Variants in TM6SF2 observed in about 807,000 individuals in gnomAD.
The protein encoded by TM6SF2 is transmembrane 6 superfamily member 2.
In TM6SF2, 29 loss-of-function variants were observed where a neutral mutation model predicts 41.0. That is an observed-to-expected ratio of 0.71 (90% CI 0.53 to 0.96). The LOEUF (loss-of-function observed/expected upper bound fraction) is 0.96. TM6SF2 is among the 50% of genes least tolerant of loss of function. The pLI, the probability that TM6SF2 is intolerant of heterozygous loss-of-function variation, is 0.00. For missense variants in TM6SF2, 475 were observed against 499.0 expected, an observed-to-expected ratio of 0.95 and a Z score of 0.46; for synonymous variants, 200 against 209.1, an observed-to-expected ratio of 0.96 and a Z score of 0.37.
chr19:19,270,060 G>C, intron 4 of TM6SF2, 113 bp downstream of exon 4: 2 of 1,550,844 alleles, frequency 1.3e-6, no homozygotes, highest in Non-Finnish European at 1.7e-6. Flanking sequence ...GCCCTAGAGA[G>C]GCGTCCTGAT....
chr19:19,268,208 CTT>C (rs536426725), intron 6 of TM6SF2, 121 bp from the exon 7 acceptor site: 17,340 of 534,458 alleles, frequency 0.032, no homozygotes, highest in South Asian at 0.041. Flanking sequence ...TTTCTTTTTT[CTT>C]TTTTTTTTTT....
intron 8 of TM6SF2, among the ~76,000 whole-genome samples, chr19:19,266,977 G>A (rs2061005254): frequency 6.6e-6 from 1 of 152,158 alleles, no homozygotes; most frequent in Admixed American, 6.5e-5. Flanking sequence ...ACATTGCTCT[G>A]GGGTGGCTGA....
At chr19:19,273,090 C>A in intron 1 of TM6SF2, 31 bp downstream of exon 1, 1 of 1,401,528 alleles carries the variant, frequency 7.1e-7, no homozygotes, top group Non-Finnish European at 9.4e-7. Flanking sequence ...CCACTGTCCC[C>A]AAGGCCGCCC....
chr19:19,272,726 T>TGAGA (rs1037976441), intron 1 of TM6SF2, among the ~76,000 whole-genome samples: 2 of 146,820 alleles, frequency 1.4e-5, no homozygotes, highest in African/African-American at 5.4e-5. Flanking sequence ...TGTGTGTGTG[T>TGAGA]GTGAGCAGGA....
chr19:19,265,694 C>A (rs1159674512), intron 9 of TM6SF2, among the ~76,000 whole-genome samples: 1 of 152,192 alleles, frequency 6.6e-6, no homozygotes, highest in Non-Finnish European at 1.5e-5. Context: ...GCTGGGATTA[C>A]AGGTGTGAGC....
intron 1 of TM6SF2, 73 bp from the exon 2 acceptor site, chr19:19,271,198 G>A (rs1366210809): frequency 1.6e-6 from 2 of 1,221,346 alleles, no homozygotes; most frequent in African/African-American, 1.5e-5. Context: ...CCTGGTGGGG[G>A]AAGGGGCAGA....
chr19:19,267,932 C>T (rs1301287267), intron 7 of TM6SF2, 54 bp downstream of exon 7: 13 of 1,402,698 alleles, frequency 9.3e-6, no homozygotes, highest in Non-Finnish European at 1.2e-5. Context: ...AGAGGTGGGT[C>T]AGGGAAGGGA....
Position 19,267,994 on chromosome 19 carries a change from G to T in TM6SF2, c.703C>A (p.Arg235=), listed in dbSNP as rs181728218. Residue 235 remains arginine (R), a synonymous_variant, in exon 7 of 10, where the codon CGG becomes AGG. Transcript: ENST00000389363. ...LILAGFFTLF[R]GLVVLDCPTD... ...AACCAGCGCAGACTCACCAGGCCCC[G>T]GAACAGAGTGAAGAAGCCAGCAAGG... is the stretch of plus-strand genomic sequence containing the variant. The T allele has an allele frequency of 1.1e-4, 177 of 1,610,370 alleles. No homozygotes were observed. The highest frequency in any genetic ancestry group is 1.4e-4 in the Non-Finnish European group (163 of 1,177,284).
At chr19:19,272,489 C>T (rs55822665) in intron 1 of TM6SF2, among the ~76,000 whole-genome samples, 27,912 of 152,136 alleles carry the variant, frequency 0.18, 3,019 homozygotes, top group Middle Eastern at 0.29. Flanking sequence ...CTCTCCACCC[C>T]ATGGCTTGGG....
At chr19:19,268,516 T>G (rs1365981777) in intron 6 of TM6SF2, 114 bp downstream of exon 6, 1 of 1,438,508 alleles carries the variant, frequency 7.0e-7, no homozygotes, top group Non-Finnish European at 9.2e-7. Context: ...CCCTCCCTTC[T>G]TTCTTGTGAC....
chr19:19,266,402 C>CAGTG (rs1262413926), intron 9 of TM6SF2, 88 bp downstream of exon 9: 1 of 1,554,798 alleles, frequency 6.4e-7, no homozygotes, highest in African/African-American at 1.4e-5. Flanking sequence ...CTCATCATTA[C>CAGTG]AGTGCCCAGG....
intron 6 of TM6SF2, 72 bp downstream of exon 6, chr19:19,268,558 T>C (rs949214481): frequency 8.7e-6 from 13 of 1,497,932 alleles, no homozygotes; most frequent in Admixed American, 7.9e-5. Context: ...ATTAAGTCTT[T>C]GACCAAAAGC....
intron 1 of TM6SF2, 25 bp downstream of exon 1, chr19:19,273,096 C>T (rs2061030580): frequency 1.4e-6 from 2 of 1,418,284 alleles, no homozygotes; most frequent in Non-Finnish European, 1.9e-6. Flanking sequence ...TCCCCAAGGC[C>T]GCCCTGGCCC....
intron 2 of TM6SF2, 64 bp downstream of exon 2, chr19:19,270,958 C>A: frequency 1.4e-6 from 2 of 1,424,846 alleles, no homozygotes; most frequent in Non-Finnish European, 2.0e-6. Flanking sequence ...TAATGGCCCC[C>A]AAGTCTGAGG....
chr19:19,267,778 C>T, intron 7 of TM6SF2, 65 bp from the exon 8 acceptor site: 2 of 1,460,522 alleles, frequency 1.4e-6, no homozygotes, highest in Non-Finnish European at 1.9e-6. Flanking sequence ...CCCCCACCCT[C>T]CCAGGCCCAC....
Position 19,268,759 on chromosome 19 carries a change from C to T in TM6SF2, c.485-5G>A. The T allele has an allele frequency of 6.3e-7, 1 of 1,599,524 alleles. No homozygotes were observed. Among genetic ancestry groups the T allele is most frequent in the East Asian group, 2.3e-5 (1 of 43,584 alleles). ...TGATCTCGGAGCTGTATTTGCCTTC[C>T]ATGGTGCAGGAGAGAGGGCATCAGC... is the stretch of plus-strand genomic sequence containing the variant. On this transcript the variant is annotated splice_polypyrimidine_tract_variant and splice_region_variant and intron_variant, in intron 5 of 9. Transcript: ENST00000389363.
intron 5 of TM6SF2, among the ~76,000 whole-genome samples, chr19:19,269,032 A>C (rs2061013559): frequency 6.6e-6 from 1 of 152,074 alleles, no homozygotes; most frequent in Non-Finnish European, 1.5e-5. Flanking sequence ...GGCTCAAGTG[A>C]TTGATGAGGC....
intron 2 of TM6SF2, 34 bp downstream of exon 2, chr19:19,270,988 C>A: frequency 6.3e-7 from 1 of 1,585,710 alleles, no homozygotes; most frequent in East Asian, 2.2e-5. Context: ...CTTGCCTGGA[C>A]AGTCTTCTTC....
rs766513047 is a variant in TM6SF2, at chr19:19,267,993, C to G, written c.704G>C (p.Arg235Pro). The G allele has an allele frequency of 6.2e-7, 1 of 1,609,412 alleles. No individual in the cohort carries two copies. Among genetic ancestry groups the G allele is most frequent in the South Asian group, 1.1e-5 (1 of 90,832 alleles). ...CAACCAGCGCAGACTCACCAGGCCC[C>G]GGAACAGAGTGAAGAAGCCAGCAAG... ...LILAGFFTLF[R>P]GLVVLDCPTD... The change falls in exon 7 of 10, where the codon CGG (arginine) becomes CCG (proline). Residue 235 changes from arginine (R) to proline (P), a missense_variant. Transcript: ENST00000389363.
Sources: gnomAD v4.1 joint callset for allele counts (sites outside exome capture counted in the v4.1 genomes callset) on GRCh38, gnomAD v4.1.1 for gene constraint, MANE v1.5 for transcripts, NCBI Gene and HGNC (gene_info 2026-07-23, HGNC 2026-07-21) for gene names.